Variants in SWT1 observed in about 807,000 individuals in gnomAD.
SWT1 encodes SWT1 RNA endoribonuclease homolog, also known as transcriptional protein SWT1.
In SWT1, 33 loss-of-function variants were observed where a neutral mutation model predicts 107.3. The ratio of observed to expected loss-of-function variants is 0.31; its 90% CI spans 0.23 to 0.41. The LOEUF is 0.41. SWT1 is among the 10% of genes least tolerant of loss of function. The probability of loss-of-function intolerance (pLI) is 1.00; values close to 1 mark genes in which losing one functional copy is unlikely to be tolerated. For synonymous variants in SWT1, 345 were observed against 348.3 expected, an observed-to-expected ratio of 0.99 and a Z score of 0.11; for missense variants, 898 against 1,028.9, an observed-to-expected ratio of 0.87 and a Z score of 1.74.
rs1231681462 is a variant in SWT1, at chr1:185,271,367, A to G, written c.2486A>G (p.Tyr829Cys). 6.6e-7 allele frequency: 1 copy of G among 1,512,864 alleles called. No individual in the cohort carries two copies. Among genetic ancestry groups the G allele is most frequent in the Non-Finnish European group, 9.2e-7 (1 of 1,089,824 alleles). 93.7% of individuals were successfully genotyped at this position (1,512,864 alleles called of 1,614,324 possible). Residue 829 changes from tyrosine (Y) to cysteine (C), a missense_variant, in exon 17 of 19, where the codon TAT (tyrosine) becomes TGT (cysteine). Tyr to Cys is a radical substitution (Grantham distance 194). Coordinates refer to ENST00000367500, the MANE Select transcript of SWT1 (RefSeq NM_017673.7). ...NSNYQDVETL[Y>C]NFLIKYEVNK... Reference sequence around the variant, plus strand: ...AATTATCAAGATGTTGAGACCCTCTATAACTTCCTAATCAAGTATGAGGTA... The same window carrying G: ...AATTATCAAGATGTTGAGACCCTCTGTAACTTCCTAATCAAGTATGAGGTA...
At chr1:185,182,200 A>C (rs2102377044) in intron 7 of SWT1, 143 bp downstream of exon 7, 1 of 803,346 alleles carries the variant, frequency 1.2e-6, no homozygotes, top group East Asian at 2.7e-5. Context: ...TTTATTTTTT[A>C]GGTACAGGAA....
At chr1:185,211,942 A>G (rs1658845610) in intron 13 of SWT1, among the ~76,000 whole-genome samples, 1 of 152,172 alleles carries the variant, frequency 6.6e-6, no homozygotes, top group African/African-American at 2.4e-5. Flanking sequence ...CATTCTCAGC[A>G]AACTATCGCA....
In SWT1 at chr1:185,180,454, A is replaced by G. The variant is rs1259635889; in HGVS notation, c.1026+4A>G. 1.3e-6 allele frequency: 2 copies of G among 1,599,952 alleles called. No individual in the cohort carries two copies. Among genetic ancestry groups the G allele is most frequent in the Non-Finnish European group, 1.7e-6 (2 of 1,167,370 alleles). The stretch of plus-strand genomic sequence containing the variant: ...TATCCAGGATGCAGATCAAGAGGTT[A>G]TTGATATTCTTGTTTACTTTGATAT... On this transcript the variant is annotated splice_donor_region_variant and intron_variant, in intron 6 of 18. Coordinates refer to ENST00000367500, the MANE Select transcript of SWT1 (RefSeq NM_017673.7).
intron 13 of SWT1, among the ~76,000 whole-genome samples, chr1:185,209,132 A>AT (rs1234707914): frequency 3.3e-5 from 5 of 152,128 alleles, no homozygotes; most frequent in East Asian, 3.9e-4. Context: ...TTCTTGTGGG[A>AT]TTTTTTTAAG....
intron 18 of SWT1, among the ~76,000 whole-genome samples, chr1:185,289,376 T>C (rs1181087919): frequency 6.6e-6 from 1 of 152,228 alleles, no homozygotes; most frequent in Non-Finnish European, 1.5e-5. Context: ...TAACATAGCC[T>C]TTTATATAAT....
intron 5 of SWT1, among the ~76,000 whole-genome samples, chr1:185,179,166 G>T (rs1571427445): frequency 3.9e-5 from 6 of 152,194 alleles, no homozygotes; most frequent in Admixed American, 3.9e-4. Flanking sequence ...CTACTTGGGA[G>T]GCTGAGGCAG....
At chr1:185,187,096 A>G (rs2102396644) in intron 9 of SWT1, among the ~76,000 whole-genome samples, 1 of 132,490 alleles carries the variant, frequency 7.5e-6, no homozygotes, top group African/African-American at 2.9e-5. Context: ...TTTGTCACCC[A>G]GGCTGGAGTG....
rs538716693 is a variant in SWT1 at position 185,247,873 on chromosome 1, T to C, written c.2441+16165T>C. Among the ~76,000 whole-genome samples the C allele has an allele frequency of 2.0e-5, 3 of 152,320 alleles. No individual in the cohort carries two copies. In the South Asian group the frequency reaches 6.2e-4, roughly 32 times the overall value. On this transcript the variant is annotated intron_variant, in intron 16 of 18. Transcript: ENST00000367500. ...ATTTGCTTCTAGAAGTGTTTTTTTTTCCTTCCTAAAAAGCAGACTATTTGT... is the reference window on the plus strand; with the variant it reads ...ATTTGCTTCTAGAAGTGTTTTTTTTCCCTTCCTAAAAAGCAGACTATTTGT...
At position 185,204,959 on chromosome 1, in the gene SWT1, A is replaced by G. The variant is rs112123665; in HGVS notation, c.1833+96A>G. The G allele has an allele frequency of 5.2e-5, 34 of 653,710 alleles. 1 individual carries two copies. The highest frequency in any genetic ancestry group is 4.9e-4 in the African/African-American group (26 of 52,668). The allele number at this position is 653,710 out of a possible 1,614,324, so 40.5% of individuals were successfully genotyped here. On this transcript the variant is annotated intron_variant, in intron 12 of 18. Transcript: ENST00000367500. Reference sequence around the variant, plus strand: ...TACTTGTATAAAATGCATACGCTTCATTGAATAATCTGTATCATGTTACAT... The same window carrying G: ...TACTTGTATAAAATGCATACGCTTCGTTGAATAATCTGTATCATGTTACAT...
At chr1:185,283,959 A>G (rs1218304137) in intron 18 of SWT1, among the ~76,000 whole-genome samples, 1 of 152,074 alleles carries the variant, frequency 6.6e-6, no homozygotes, top group Non-Finnish European at 1.5e-5. Context: ...TAAATATTTG[A>G]ATTCTTATAA....
intron 5 of SWT1, among the ~76,000 whole-genome samples, chr1:185,178,261 A>G (rs571480159): frequency 2.3e-4 from 35 of 152,294 alleles, no homozygotes; most frequent in African/African-American, 8.4e-4. Flanking sequence ...ACATGAGCAC[A>G]TAGGTTGTCA....
At chr1:185,169,954 C>G (rs993182585) in intron 4 of SWT1, among the ~76,000 whole-genome samples, 1 of 152,088 alleles carries the variant, frequency 6.6e-6, no homozygotes, top group African/African-American at 2.4e-5. Flanking sequence ...AAGAAACTGC[C>G]TTCTCTGAAG....
intron 17 of SWT1, among the ~76,000 whole-genome samples, chr1:185,273,245 A>T (rs1417120653): frequency 6.6e-6 from 1 of 152,068 alleles, no homozygotes; most frequent in Non-Finnish European, 1.5e-5. Context: ...TCTCTACTAA[A>T]AGTACAAAAA....
At chr1:185,186,793 C>A (rs981024463) in intron 9 of SWT1, among the ~76,000 whole-genome samples, 27 of 151,368 alleles carry the variant, frequency 1.8e-4, no homozygotes, top group Non-Finnish European at 3.4e-4. Flanking sequence ...TCGCTCCCGT[C>A]ACGCAGGCTG....
chr1:185,167,088 A>G (rs1416779064), intron 3 of SWT1, among the ~76,000 whole-genome samples: 1 of 152,022 alleles, frequency 6.6e-6, no homozygotes, highest in Non-Finnish European at 1.5e-5. Flanking sequence ...TTGTATTTTT[A>G]GTAGAGAAAG....
chr1:185,281,860 C>T (rs1664644952), intron 18 of SWT1: 1 of 152,528 alleles, frequency 6.6e-6, no homozygotes, highest in Admixed American at 6.5e-5. Flanking sequence ...ACCTAATAAA[C>T]TAAATCAGTG....
chr1:185,208,501 G>A (rs1192254097), intron 13 of SWT1, among the ~76,000 whole-genome samples: 1 of 152,162 alleles, frequency 6.6e-6, no homozygotes, highest in East Asian at 1.9e-4. Context: ...AGCTGTAAGA[G>A]AATATTCCTA....
intron 16 of SWT1, among the ~76,000 whole-genome samples, chr1:185,238,529 A>G (rs906990842): frequency 6.6e-6 from 1 of 151,824 alleles, no homozygotes; most frequent in Non-Finnish European, 1.5e-5. Context: ...AGGAAGTTGT[A>G]TTTTTAAGCT....
At chr1:185,289,176 T>A (rs1371411565) in intron 18 of SWT1, among the ~76,000 whole-genome samples, 1 of 152,242 alleles carries the variant, frequency 6.6e-6, no homozygotes, top group Non-Finnish European at 1.5e-5. Context: ...TGAAATACAT[T>A]CTTTGATATT....
Sources: allele counts gnomAD v4.1 joint callset (sites outside exome capture counted in the v4.1 genomes callset), GRCh38; gene constraint gnomAD v4.1.1; transcripts MANE v1.5; gene names NCBI Gene and HGNC (gene_info 2026-07-23, HGNC 2026-07-21).